Variants in OGG1 observed in about 807,000 individuals in gnomAD.
OGG1 encodes the protein 8-oxoguanine DNA glycosylase.
A neutral mutation model predicts 42.3 loss-of-function variants in OGG1; 35 were observed. The ratio of observed to expected loss-of-function variants is 0.83; its 90% CI spans 0.63 to 1.10. The LOEUF is 1.10. Among genes scored for constraint, OGG1 ranks in the 50% least tolerant of loss-of-function variants. The pLI is 0.00. For missense variants in OGG1, 484 were observed against 446.7 expected (o/e 1.08, Z -0.75); for synonymous variants, 189 against 179.0 (o/e 1.06, Z -0.44).
At chr3:9,760,382 T>C, downstream of OGG1, 1 of 370,642 alleles carries the variant, frequency 2.7e-6, no homozygotes, top group South Asian at 2.9e-5. Context: ...TGGTGGTGTT[T>C]TAGACATTAG....
downstream of OGG1, among the ~76,000 whole-genome samples, chr3:9,770,656 G>C (rs1559709122): frequency 6.6e-6 from 1 of 152,212 alleles, no homozygotes; most frequent in South Asian, 2.1e-4. Flanking sequence ...GGTGTCACGT[G>C]ACTGGCGGGG....
downstream of OGG1, among the ~76,000 whole-genome samples, chr3:9,768,586 G>C (rs1553705830): frequency 6.6e-6 from 1 of 152,180 alleles, no homozygotes; most frequent in Non-Finnish European, 1.5e-5. Flanking sequence ...ACCTGGCCTG[G>C]GGCCCCCAGC....
intron 2 of OGG1, among the ~76,000 whole-genome samples, chr3:9,773,765 T>C (rs1379174059): frequency 6.6e-6 from 1 of 152,102 alleles, no homozygotes; most frequent in African/African-American, 2.4e-5. Context: ...CCATCATGGC[T>C]CACTGCAGCC....
rs779304155 is a variant in OGG1, at chr3:9,750,401, C to G, written c.115C>G (p.Leu39Val). The change falls in exon 1 of 7, where the codon CTG (leucine) becomes GTG (valine). Residue 39 changes from leucine (L) to valine (V), a missense_variant. Transcript: ENST00000344629. ...CTCTGAGCTGCGCCTGGACCTGGTT[C>G]TGCCTTCTGGACAATCTTTCCGGTG... ...PRSELRLDLVLPSGQSFRWRE... is the reference protein window; with the variant it reads ...PRSELRLDLVVPSGQSFRWRE... The G allele has an allele frequency of 1.2e-6, 2 of 1,614,062 alleles. No individual in the cohort carries two copies. Among genetic ancestry groups the G allele is most frequent in the Non-Finnish European group, 1.7e-6 (2 of 1,180,032 alleles).
downstream of OGG1, chr3:9,759,447 T>A (rs766768473): frequency 2.5e-6 from 4 of 1,613,100 alleles, no homozygotes; most frequent in Non-Finnish European, 3.4e-6. Context: ...TGGGGAGGAG[T>A]CCTGGGGAGG....
At chr3:9,780,411 C>G in intron 2 of OGG1, 1 of 1,613,726 alleles carries the variant, frequency 6.2e-7, no homozygotes, top group South Asian at 1.1e-5. Flanking sequence ...TCTTCCAGGC[C>G]TGGTCCTTTT....
At chr3:9,766,053 C>T (rs139870756) in exon 8 of OGG1, 2 of 1,594,760 alleles carry the variant, frequency 1.3e-6, no homozygotes, top group Admixed American at 1.8e-5. Flanking sequence ...GGTCACATGA[C>T]CCAGGCCTGG....
chr3:9,780,166 C>A, intron 2 of OGG1: 1 of 545,984 alleles, frequency 1.8e-6, no homozygotes. Context: ...TCAGGCTAGC[C>A]CAGCAGGGCT....
intron 2 of OGG1, among the ~76,000 whole-genome samples, chr3:9,775,713 C>T (rs569609199): frequency 1.3e-5 from 2 of 151,578 alleles, no homozygotes; most frequent in Non-Finnish European, 2.9e-5. Context: ...GATCTCTGCT[C>T]ACTGTAACCT....
At chr3:9,765,891 CT>C (rs2078130644) in exon 8 of OGG1, 8 of 1,614,162 alleles carry the variant, frequency 5.0e-6, no homozygotes, top group Non-Finnish European at 5.9e-6. Flanking sequence ...GAAGGCCCCC[CT>C]ATCGGGAGAG....
At chr3:9,770,259 C>T (rs2078272807), downstream of OGG1, among the ~76,000 whole-genome samples, 1 of 152,164 alleles carries the variant, frequency 6.6e-6, no homozygotes, top group South Asian at 2.1e-4. Context: ...TAGAGGCCGG[C>T]CAAACTCACC....
chr3:9,767,794 T>G, downstream of OGG1: 1 of 1,611,096 alleles, frequency 6.2e-7, no homozygotes, highest in Non-Finnish European at 8.5e-7. Flanking sequence ...GTAAGGAGAA[T>G]GGAAGGAGGA....
At chr3:9,787,542 A>C (rs293786) in intron 3 of OGG1, 616,533 of 961,062 alleles carry the variant, frequency 0.64, 205,183 homozygotes, top group Non-Finnish European at 0.69. Flanking sequence ...AAAAAGAACT[A>C]AGACACACAC....
At chr3:9,764,115 G>C (rs887983969) in intron 7 of OGG1, among the ~76,000 whole-genome samples, 5 of 152,156 alleles carry the variant, frequency 3.3e-5, no homozygotes, top group African/African-American at 1.2e-4. Context: ...GTACAGGGTA[G>C]GTGCTAGATT....
intron 3 of OGG1, among the ~76,000 whole-genome samples, chr3:9,753,023 G>C (rs1013199880): frequency 3.3e-5 from 5 of 152,052 alleles, no homozygotes; most frequent in African/African-American, 1.2e-4. Context: ...ACTCCAGCCT[G>C]GGTTACAGAG....
chr3:9,787,180 AG>A (rs1304698194), intron 3 of OGG1: 1 of 1,614,180 alleles, frequency 6.2e-7, no homozygotes, highest in Admixed American at 1.7e-5. Flanking sequence ...TGGGGTTGGC[AG>A]GGAGGTGAGA....
intron 3 of OGG1, among the ~76,000 whole-genome samples, chr3:9,786,518 AG>A (rs1361877196): frequency 6.6e-6 from 1 of 152,200 alleles, no homozygotes; most frequent in Non-Finnish European, 1.5e-5. Flanking sequence ...CCCTGAAGCT[AG>A]GGTTTGAATC....
In OGG1 at chr3:9,750,097, C is replaced by G; in HGVS notation, c.-190C>G. Reference sequence around the variant, plus strand: ...CGGAGAATTGGGGCACGAAGCGGGGCTTTGATGACCCGCAAAGGGCGAGGC... The same window carrying G: ...CGGAGAATTGGGGCACGAAGCGGGGGTTTGATGACCCGCAAAGGGCGAGGC... On this transcript the variant is annotated 5_prime_UTR_variant, in exon 1 of 7. Coordinates refer to ENST00000344629, the MANE Select transcript of OGG1 (RefSeq NM_002542.6). 1 of 720,802 alleles carries G rather than the reference C, an allele frequency of 1.4e-6. No individual in the cohort carries two copies. Among genetic ancestry groups the G allele is most frequent in the Non-Finnish European group, 2.2e-6 (1 of 447,328 alleles). 44.7% of individuals were successfully genotyped at this position (720,802 alleles called of 1,614,324 possible). A position where few individuals can be genotyped will look rare whatever the true frequency, so the allele number is the denominator to read the frequency against.
chr3:9,787,356 C>T (rs953028139), intron 3 of OGG1: 5 of 1,597,534 alleles, frequency 3.1e-6, no homozygotes, highest in African/African-American at 1.3e-5. Context: ...GAAAAGATGG[C>T]ACCCAACCCT....
Sources: allele counts gnomAD v4.1 joint callset (sites outside exome capture counted in the v4.1 genomes callset), GRCh38; gene constraint gnomAD v4.1.1; transcripts MANE v1.5; gene names NCBI Gene and HGNC (gene_info 2026-07-23, HGNC 2026-07-21).